NCAM1: variants seen among roughly 807,000 people sequenced by gnomAD.
NCAM1 encodes antigen recognized by monoclonal antibody 5.1H11.
Under a neutral mutation model 109.8 loss-of-function variants are expected in NCAM1, and 14 were observed. That is an observed-to-expected ratio of 0.13 (90% confidence interval 0.08 to 0.20). NCAM1 has a LOEUF of 0.20. Ranked by LOEUF, NCAM1 falls within the 10% of genes least tolerant of loss-of-function variation. The pLI is 1.00. For missense variants in NCAM1, 774 were observed against 1,109.9 expected (o/e 0.70, Z 4.30); for synonymous variants, 418 against 442.9 (o/e 0.94, Z 0.70).
At chr11:113,207,482 G>T in intron 6 of NCAM1, 104 bp downstream of exon 6, 1 of 887,574 alleles carries the variant, frequency 1.1e-6, no homozygotes. Context: ...GGGCTTCTTA[G>T]GAATATTAAC....
intron 15 of NCAM1, among the ~76,000 whole-genome samples, chr11:113,254,928 C>T (rs1437274551): frequency 6.6e-6 from 1 of 152,192 alleles, no homozygotes; most frequent in Non-Finnish European, 1.5e-5. Context: ...TATATTAATG[C>T]AATTGTTTCT....
intron 17 of NCAM1, 147 bp from the exon 18 acceptor site, chr11:113,270,041 G>A (rs1224315216): frequency 1.4e-6 from 1 of 733,588 alleles, no homozygotes; most frequent in Non-Finnish European, 2.4e-6. Flanking sequence ...CTGGGGCATA[G>A]AAGGTCCCCA....
chr11:112,995,118 C>T (rs1353340259), intron 1 of NCAM1, among the ~76,000 whole-genome samples: 3 of 151,972 alleles, frequency 2.0e-5, no homozygotes, highest in South Asian at 4.2e-4. Context: ...GCTTTCGTAC[C>T]TACTGCTGAA....
chr11:113,034,559 TCTTCTTTCACTG>T lies in NCAM1; in HGVS notation c.52+72901_52+72912del, dbSNP rs572796356. On this transcript the variant is annotated intron_variant, in intron 1 of 19. Transcript: ENST00000316851. ...TGGTTATTTCTTTTCTTCTTTTTCT[TCTTCTTTCACTG>T]CTTCTCTTGAATGGCCCTGGTTTCT... is the stretch of plus-strand genomic sequence containing the variant. Among the ~76,000 whole-genome samples, 178 of 152,342 alleles carry T rather than the reference TCTTCTTTCACTG, an allele frequency of 1.2e-3. 1 individual carries two copies. The highest frequency in any genetic ancestry group is 4.1e-3 in the African/African-American group (170 of 41,572).
At chr11:113,012,779 A>T (rs1270146914) in intron 1 of NCAM1, among the ~76,000 whole-genome samples, 1 of 152,176 alleles carries the variant, frequency 6.6e-6, no homozygotes, top group Non-Finnish European at 1.5e-5. Context: ...ATCTTAACTA[A>T]TTACATCTGC....
At chr11:113,058,457 G>A (rs543431491) in intron 1 of NCAM1, among the ~76,000 whole-genome samples, 1 of 152,240 alleles carries the variant, frequency 6.6e-6, no homozygotes, top group South Asian at 2.1e-4. Flanking sequence ...AAATGCAGGG[G>A]TTTTGATTGA....
At chr11:112,979,360 C>T (rs1261432411) in intron 1 of NCAM1, among the ~76,000 whole-genome samples, 1 of 151,696 alleles carries the variant, frequency 6.6e-6, no homozygotes, top group African/African-American at 2.4e-5. Context: ...TGTCAAAAGA[C>T]AAAATTATGA....
chr11:112,997,613 A>T (rs974363771), intron 1 of NCAM1, among the ~76,000 whole-genome samples: 1 of 152,146 alleles, frequency 6.6e-6, no homozygotes, highest in Non-Finnish European at 1.5e-5. Context: ...AATAAGATAC[A>T]CGTTACCATA....
chr11:113,114,400 CTAGGGCATGGGGCTTCTCTGCCTAAG>C (rs1333763031), intron 1 of NCAM1, among the ~76,000 whole-genome samples: 1 of 152,164 alleles, frequency 6.6e-6, no homozygotes, highest in African/African-American at 2.4e-5. Context: ...GATGTTGCTC[CTAGGGCATGGGGCTTCTCTGCCTAAG>C]AAGCCTTAGG....
At chr11:113,203,939 G>C (rs148680606) in intron 2 of NCAM1, among the ~76,000 whole-genome samples, 1 of 152,152 alleles carries the variant, frequency 6.6e-6, no homozygotes, top group African/African-American at 2.4e-5. Context: ...TTGGTTACCC[G>C]TTGTGTGAGG....
chr11:113,019,243 C>T (rs1401803949), intron 1 of NCAM1, among the ~76,000 whole-genome samples: 2 of 152,098 alleles, frequency 1.3e-5, no homozygotes, highest in East Asian at 1.9e-4. Flanking sequence ...TATTTAGGGA[C>T]TTGGCTTTAC....
intron 1 of NCAM1, among the ~76,000 whole-genome samples, chr11:113,089,120 C>A (rs1489524853): frequency 3.3e-5 from 5 of 152,090 alleles, no homozygotes; most frequent in Non-Finnish European, 5.9e-5. Flanking sequence ...TGAGACCAGC[C>A]CGGCCAACAT....
At chr11:113,153,931 T>A (rs1404380158) in intron 1 of NCAM1, among the ~76,000 whole-genome samples, 1 of 152,256 alleles carries the variant, frequency 6.6e-6, no homozygotes, top group Non-Finnish European at 1.5e-5. Flanking sequence ...CATTGTTTGT[T>A]TATTTATTCA....
Position 113,011,277 on chromosome 11 carries a change from A to G in NCAM1, c.52+49613A>G, listed in dbSNP as rs568162700. Reference sequence around the variant, plus strand: ...GATTTCCAATTTCATCCATGTCCCTACAAAGGACATGAACTCATCATTTTT... The same window carrying G: ...GATTTCCAATTTCATCCATGTCCCTGCAAAGGACATGAACTCATCATTTTT... On this transcript the variant is annotated intron_variant, in intron 1 of 19. Coordinates refer to ENST00000316851, the MANE Select transcript of NCAM1 (RefSeq NM_181351.5). 4.2e-4 allele frequency among the ~76,000 whole-genome samples: 62 copies of G among 147,076 alleles called. 1 individual carries two copies. The South Asian group carries it at 5.0e-3, about 12-fold the overall frequency.
chr11:113,010,316 T>C (rs1044280176), intron 1 of NCAM1, among the ~76,000 whole-genome samples: 4 of 152,244 alleles, frequency 2.6e-5, no homozygotes, highest in Non-Finnish European at 5.9e-5. Context: ...AATTAAAATG[T>C]ATTTCCTCAG....
intron 1 of NCAM1, among the ~76,000 whole-genome samples, chr11:113,171,677 G>C (rs1209735310): frequency 6.7e-6 from 1 of 148,410 alleles, no homozygotes; most frequent in Non-Finnish European, 1.5e-5. Context: ...ATAAAGAGAA[G>C]AGATAACTTA....
chr11:113,262,028 G>A (rs529406783), intron 17 of NCAM1, among the ~76,000 whole-genome samples: 6 of 152,224 alleles, frequency 3.9e-5, no homozygotes, highest in East Asian at 1.9e-4. Context: ...CACCGGTGAC[G>A]GCTCTGTGGC....
At chr11:113,189,180 G>A (rs369745696) in intron 1 of NCAM1, among the ~76,000 whole-genome samples, 12 of 152,148 alleles carry the variant, frequency 7.9e-5, no homozygotes, top group African/African-American at 2.9e-4. Flanking sequence ...GGCCGGGCAC[G>A]GTGGCTCACA....
intron 7 of NCAM1, among the ~76,000 whole-genome samples, chr11:113,213,763 G>A (rs1013057217): frequency 6.6e-6 from 1 of 152,148 alleles, no homozygotes; most frequent in Non-Finnish European, 1.5e-5. Context: ...CTTCCAAACT[G>A]GTTTTCCCAC....
Sources: allele counts gnomAD v4.1 joint callset (sites outside exome capture counted in the v4.1 genomes callset), GRCh38; gene constraint gnomAD v4.1.1; transcripts MANE v1.5; gene names NCBI Gene and HGNC (gene_info 2026-07-23, HGNC 2026-07-21).